USP30: variants seen among roughly 807,000 people sequenced by gnomAD.
USP30 encodes ubiquitin specific peptidase 30, also known as ubiquitin carboxyl-terminal hydrolase 30.
USP30 carries 41 observed loss-of-function variants against 68.2 expected under a neutral mutation model. That is an observed-to-expected ratio of 0.60 (90% CI 0.47 to 0.78). USP30 has a LOEUF of 0.78. Ranked by LOEUF, USP30 falls within the 30% of genes least tolerant of loss-of-function variation. The pLI is 0.00. For synonymous variants in USP30, 229 were observed against 253.7 expected (o/e 0.90, Z 0.93); for missense variants, 522 against 649.4 (o/e 0.80, Z 2.13).
At chr12:109,066,031 C>A (rs1593263437) in intron 3 of USP30, among the ~76,000 whole-genome samples, 1 of 151,700 alleles carries the variant, frequency 6.6e-6, no homozygotes, top group Admixed American at 6.6e-5. Flanking sequence ...GTGGGCAGAT[C>A]ACTTCACCCC....
At position 109,082,010 on chromosome 12, in the gene USP30, C is replaced by A. The variant is rs2041818141; in HGVS notation, c.858C>A (p.Asn286Lys). ...SESVRDVVCD[N>K]CTKIEAKGTL... ...CAGTGCGGGATGTTGTGTGTGACAA[C>A]TGTACAAAGGTATGCATTGAACCCC... The change falls in exon 9 of 13, where the codon AAC (asparagine) becomes AAA (lysine). Residue 286 changes from asparagine (N) to lysine (K), a missense_variant. By Grantham distance (94) the Asn-to-Lys change is moderately conservative. Transcript: ENST00000257548. 2 of 1,614,130 alleles carry A rather than the reference C, an allele frequency of 1.2e-6. No homozygotes were observed. Among genetic ancestry groups the A allele is most frequent in the Admixed American group, 1.7e-5 (1 of 60,010 alleles).
intron 11 of USP30, among the ~76,000 whole-genome samples, chr12:109,083,558 C>G (rs372507116): frequency 3.0e-4 from 46 of 152,168 alleles, no homozygotes; most frequent in African/African-American, 1.1e-3. Flanking sequence ...CTATTATCGC[C>G]GGTCTTACTG....
chr12:109,075,933 C>T (rs2041590875), intron 7 of USP30, among the ~76,000 whole-genome samples: 1 of 148,990 alleles, frequency 6.7e-6, no homozygotes, highest in South Asian at 2.1e-4. Context: ...ATATTAACCT[C>T]TTATCAGATA....
At chr12:109,078,825 A>T (rs1054621338) in intron 7 of USP30, among the ~76,000 whole-genome samples, 1 of 152,204 alleles carries the variant, frequency 6.6e-6, no homozygotes, top group Non-Finnish European at 1.5e-5. Context: ...ATTTTTGAAG[A>T]ATACTACTGC....
At chr12:109,066,744 G>A (rs867725871) in intron 3 of USP30, among the ~76,000 whole-genome samples, 2 of 152,070 alleles carry the variant, frequency 1.3e-5, no homozygotes, top group Non-Finnish European at 2.9e-5. Context: ...ATAGCTTGAT[G>A]CTTTGCCTTG....
At chr12:109,074,391 A>G (rs187971155) in intron 7 of USP30, among the ~76,000 whole-genome samples, 16 of 152,220 alleles carry the variant, frequency 1.1e-4, no homozygotes, top group Admixed American at 9.8e-4. Context: ...TATATACCTC[A>G]GAGTAGAATT....
chr12:109,028,404 A>T (rs1323962155), intron 3 of USP30, among the ~76,000 whole-genome samples: 2 of 152,026 alleles, frequency 1.3e-5, no homozygotes, highest in Non-Finnish European at 2.9e-5. Flanking sequence ...TAGAGTCATG[A>T]TGGAAGGTGA....
intron 1 of USP30, among the ~76,000 whole-genome samples, chr12:109,056,349 C>T (rs1257886096): frequency 1.3e-5 from 2 of 152,066 alleles, no homozygotes; most frequent in East Asian, 1.9e-4. Context: ...CACATCACCA[C>T]GGCCAGCTAA....
In USP30 at chr12:109,054,954, G is replaced by A. The variant is rs528999929; in HGVS notation, c.84-1728G>A. Among the ~76,000 whole-genome samples, 8 of 152,216 alleles carry A rather than the reference G, an allele frequency of 5.3e-5. No homozygotes were observed. In the South Asian group the frequency reaches 1.5e-3, roughly 28 times the overall value. ...ACCAGTGACTCTTCACCAAGTTAAT[G>A]TTTACTGAACTGAAATCAAAACAAT... On this transcript the variant is annotated intron_variant, in intron 1 of 12. Transcript: ENST00000257548.
At chr12:109,060,993 C>G (rs1451214981) in intron 3 of USP30, among the ~76,000 whole-genome samples, 2 of 152,016 alleles carry the variant, frequency 1.3e-5, no homozygotes, top group Non-Finnish European at 2.9e-5. Flanking sequence ...CTATGTTGAC[C>G]AGGCTGGTCT....
rs770187817 is a variant in USP30 at position 109,082,828 on chromosome 12, C to A, written c.949-15C>A. On this transcript the variant is annotated splice_polypyrimidine_tract_variant and intron_variant, in intron 10 of 12. Coordinates refer to ENST00000257548, the MANE Select transcript of USP30 (RefSeq NM_032663.5). ...TGAAACAACTCGGTTCTCCCGATTT[C>A]TCTTCCACCCGCAGCTCCCTCAGTG... 1.2e-6 allele frequency: 2 copies of A among 1,611,696 alleles called. No homozygotes were observed. The highest frequency in any genetic ancestry group is 1.1e-5 in the South Asian group (1 of 90,884).
At chr12:109,063,221 T>C (rs2041135996) in intron 3 of USP30, among the ~76,000 whole-genome samples, 1 of 152,316 alleles carries the variant, frequency 6.6e-6, no homozygotes, top group African/African-American at 2.4e-5. Context: ...TGCCTCAGCC[T>C]TCCGAGTAGC....
intron 7 of USP30, among the ~76,000 whole-genome samples, chr12:109,076,957 C>T (rs1391407322): frequency 2.6e-5 from 4 of 152,104 alleles, no homozygotes; most frequent in Non-Finnish European, 4.4e-5. Context: ...TGGTCTCGAT[C>T]TCCTGACCTC....
Position 109,085,710 on chromosome 12 carries a change from C to T in USP30, c.1333C>T (p.His445Tyr). 6.2e-7 allele frequency: 1 copy of T among 1,614,226 alleles called. No individual in the cohort carries two copies. Among genetic ancestry groups the T allele is most frequent in the Non-Finnish European group, 8.5e-7 (1 of 1,180,032 alleles). Reference protein sequence around the residue: ...LFRLMAVVVHHGDMHSGHFVT... With the variant: ...LFRLMAVVVHYGDMHSGHFVT... Reference sequence around the variant, plus strand: ...CCGGCTGATGGCAGTTGTCGTCCACCATGGAGACATGCACTCTGGACACTT... The same window carrying T: ...CCGGCTGATGGCAGTTGTCGTCCACTATGGAGACATGCACTCTGGACACTT... Residue 445 changes from histidine (H) to tyrosine (Y), a missense_variant, in exon 13 of 13, where the codon CAT becomes TAT. His to Tyr is a moderately conservative substitution (Grantham distance 83, BLOSUM62 2). Transcript: ENST00000257548.
In USP30 at chr12:109,086,013, A is replaced by C. The variant is rs903597271; in HGVS notation, c.*82A>C. On this transcript the variant is annotated 3_prime_UTR_variant, in exon 13 of 13. Coordinates refer to ENST00000257548, the MANE Select transcript of USP30 (RefSeq NM_032663.5). The stretch of plus-strand genomic sequence containing the variant: ...AGTAAAACTGTACTGTTGCGTGTGC[A>C]AGCGGCCCCACTAGAGCCTTCCAGC... 1 of 1,494,128 alleles carries C rather than the reference A, an allele frequency of 6.7e-7. No individual in the cohort carries two copies. Among genetic ancestry groups the C allele is most frequent in the Non-Finnish European group, 8.9e-7 (1 of 1,118,322 alleles). The allele number at this position is 1,494,128 out of a possible 1,614,324, so 92.6% of individuals were successfully genotyped here. A position where few individuals can be genotyped will look rare whatever the true frequency, so the allele number is the denominator to read the frequency against.
At position 109,087,643 on chromosome 12, in the gene USP30, A is replaced by T. The variant is rs1342519770; in HGVS notation, c.*1712A>T. 6.6e-6 allele frequency: 1 copy of T among 152,358 alleles called. No individual in the cohort carries two copies. The highest frequency in any genetic ancestry group is 1.5e-5 in the Non-Finnish European group (1 of 68,158). 9.4% of individuals were successfully genotyped at this position (152,358 alleles called of 1,614,324 possible). On this transcript the variant is annotated 3_prime_UTR_variant, in exon 13 of 13. Coordinates refer to ENST00000257548, the MANE Select transcript of USP30 (RefSeq NM_032663.5). ...GTACTGCAAAGCTGTAGCTTTAAGT[A>T]ATTGCTGTTCTGCCACTGCTTACTC... is the stretch of plus-strand genomic sequence containing the variant.
At chr12:109,036,639 T>C (rs2040523231) in intron 3 of USP30, among the ~76,000 whole-genome samples, 1 of 152,176 alleles carries the variant, frequency 6.6e-6, no homozygotes, top group Non-Finnish European at 1.5e-5. Flanking sequence ...TTTTGTTTTG[T>C]TTAAGAATCT....
In USP30 at chr12:109,070,315, G is replaced by A. The variant is rs555644755; in HGVS notation, c.481-1297G>A. Among the ~76,000 whole-genome samples, 43 of 152,296 alleles carry A rather than the reference G, an allele frequency of 2.8e-4. No individual in the cohort carries two copies. In the Middle Eastern group the frequency reaches 0.01, roughly 36 times the overall value. ...CAGGACTGCTGCTGAATTGGCTGAG[G>A]GTGGGTTAGAGTTCAGAGGGGTGGA... is the stretch of plus-strand genomic sequence containing the variant. On this transcript the variant is annotated intron_variant, in intron 4 of 12. Coordinates refer to ENST00000257548, the MANE Select transcript of USP30 (RefSeq NM_032663.5). This position sits in a 1 kb window ranked among gnomAD's most constrained non-coding sequence, Gnocchi z 4.0.
At chr12:109,047,910 C>A (rs1445347175), upstream of USP30, among the ~76,000 whole-genome samples, 1 of 152,096 alleles carries the variant, frequency 6.6e-6, no homozygotes, top group African/African-American at 2.4e-5. Context: ...AGTCTGCAGG[C>A]TCCCTAAGGG....
Sources: gnomAD v4.1 joint callset for allele counts (sites outside exome capture counted in the v4.1 genomes callset) on GRCh38, gnomAD v4.1.1 for gene constraint, Gnocchi (gnomAD v3.1) non-coding constraint, MANE v1.5 for transcripts, NCBI Gene and HGNC (gene_info 2026-07-23, HGNC 2026-07-21) for gene names.